Variants in GPC6 observed in about 807,000 individuals in gnomAD.
The protein encoded by GPC6 is glypican 6, also known as glypican-6.
GPC6 carries 14 observed loss-of-function variants against 55.2 expected under a neutral mutation model. That is an observed-to-expected ratio of 0.25 (90% CI 0.17 to 0.40). The LOEUF (loss-of-function observed/expected upper bound fraction) is 0.40. Ranked by LOEUF, GPC6 falls within the 10% of genes least tolerant of loss-of-function variation. The probability of loss-of-function intolerance (pLI) is 1.00; values close to 1 mark genes in which losing one functional copy is unlikely to be tolerated. For missense variants in GPC6, 641 were observed against 708.5 expected, an observed-to-expected ratio of 0.90 and a Z score of 1.08; for synonymous variants, 278 against 259.6, an observed-to-expected ratio of 1.07 and a Z score of -0.68.
chr13:94,105,823 A>G (rs1886033837), intron 4 of GPC6, among the ~76,000 whole-genome samples: 1 of 152,194 alleles, frequency 6.6e-6, no homozygotes, highest in Non-Finnish European at 1.5e-5. Context: ...AACATTCAGC[A>G]ATGTCTGGAA....
intron 2 of GPC6, among the ~76,000 whole-genome samples, chr13:93,579,373 C>A (rs747274371): frequency 2.7e-5 from 4 of 149,482 alleles, no homozygotes; most frequent in Non-Finnish European, 5.9e-5. Context: ...CTGTTATGTA[C>A]CAATAAAAAA....
At chr13:94,016,391 C>T (rs1343234218) in intron 3 of GPC6, among the ~76,000 whole-genome samples, 3 of 152,160 alleles carry the variant, frequency 2.0e-5, no homozygotes, top group Non-Finnish European at 4.4e-5. Flanking sequence ...CACACAGTAA[C>T]AATTGAAGCA....
intron 6 of GPC6, among the ~76,000 whole-genome samples, chr13:94,372,189 T>G (rs1173563431): frequency 1.3e-5 from 2 of 152,066 alleles, no homozygotes; most frequent in Non-Finnish European, 2.9e-5. Flanking sequence ...TCATATAATA[T>G]CTCATCACTG....
chr13:94,342,558 C>A (rs1030565020), intron 6 of GPC6, among the ~76,000 whole-genome samples: 2 of 152,178 alleles, frequency 1.3e-5, no homozygotes, highest in Admixed American at 6.5e-5. Context: ...CTGGTCAATA[C>A]CTTCAGACTC....
intron 3 of GPC6, among the ~76,000 whole-genome samples, chr13:93,876,214 CTTCATATAATAAATGAAGCATTTATTATA>C (rs1889290065): frequency 7.9e-6 from 1 of 127,138 alleles, no homozygotes; most frequent in African/African-American, 2.5e-5. Context: ...ATAATAAATG[CTTCATATAATAAATGAAGCATTTATTATA>C]TTGTTAATTT....
chr13:94,355,380 TCA>T (rs1431714012), intron 6 of GPC6, among the ~76,000 whole-genome samples: 1 of 152,076 alleles, frequency 6.6e-6, no homozygotes, highest in Non-Finnish European at 1.5e-5. Context: ...TTCCACCCTC[TCA>T]GTCTTCTTCC....
chr13:94,123,873 T>A (rs1054556160), intron 4 of GPC6, among the ~76,000 whole-genome samples: 26 of 152,056 alleles, frequency 1.7e-4, no homozygotes, highest in Non-Finnish European at 3.7e-4. Context: ...GTGTGTGAAG[T>A]AAGACAAATA....
At chr13:93,556,102 C>T (rs1013750801) in intron 2 of GPC6, among the ~76,000 whole-genome samples, 1 of 151,990 alleles carries the variant, frequency 6.6e-6, no homozygotes, top group African/African-American at 2.4e-5. Flanking sequence ...TCAATTTTGA[C>T]AGTGAATTAT....
intron 6 of GPC6, among the ~76,000 whole-genome samples, chr13:94,344,076 T>G (rs1388472325): frequency 2.0e-5 from 3 of 152,184 alleles, no homozygotes; most frequent in South Asian, 4.1e-4. Flanking sequence ...CAGAAAAGAA[T>G]TAAGGATGTT....
intron 2 of GPC6, among the ~76,000 whole-genome samples, chr13:93,751,197 T>C (rs1229683321): frequency 6.6e-6 from 1 of 151,896 alleles, no homozygotes; most frequent in African/African-American, 2.4e-5. Flanking sequence ...AAAAAATGCC[T>C]AGAAGTAAGA....
At chr13:93,828,764 C>A (rs373787826) in intron 2 of GPC6, among the ~76,000 whole-genome samples, 1 of 152,194 alleles carries the variant, frequency 6.6e-6, no homozygotes, top group African/African-American at 2.4e-5. Flanking sequence ...AAAGTACTTT[C>A]ATTGCTGCTT....
Position 94,157,810 on chromosome 13 carries a change from T to G in GPC6, c.878-128539T>G, listed in dbSNP as rs541827187. ...GGCAGTAGGTATCACGTCAGCCATG[T>G]GAGACATAAGTGAGCTTTGACTGGT... On this transcript the variant is annotated intron_variant, in intron 4 of 8. Transcript: ENST00000377047. Among the ~76,000 whole-genome samples, 3 of 152,248 alleles carry G rather than the reference T, an allele frequency of 2.0e-5. No homozygotes were observed. The East Asian group carries it at 5.8e-4, about 29-fold the overall frequency.
intron 3 of GPC6, among the ~76,000 whole-genome samples, chr13:93,911,550 G>A (rs950537860): frequency 1.3e-5 from 2 of 152,190 alleles, no homozygotes; most frequent in Admixed American, 1.3e-4. Flanking sequence ...TGGAAGCACT[G>A]CATGGCAGTG....
intron 2 of GPC6, among the ~76,000 whole-genome samples, chr13:93,683,600 A>G (rs1277713574): frequency 6.6e-6 from 1 of 152,150 alleles, no homozygotes; most frequent in South Asian, 2.1e-4. Context: ...TGAACTATCA[A>G]TACTACTGTT....
At chr13:93,843,079 CT>C (rs67581832) in intron 3 of GPC6, among the ~76,000 whole-genome samples, 35,378 of 134,202 alleles carry the variant, frequency 0.26, 4,607 homozygotes, top group East Asian at 0.35. Flanking sequence ...GGTGGCACTT[CT>C]TTTTTTTTTT....
chr13:93,946,474 C>G (rs1178994514), intron 3 of GPC6, among the ~76,000 whole-genome samples: 1 of 152,060 alleles, frequency 6.6e-6, no homozygotes, highest in Non-Finnish European at 1.5e-5. Flanking sequence ...CAAAATTTAC[C>G]TAATTTTAAA....
At chr13:93,500,716 A>G (rs1880489842) in intron 1 of GPC6, among the ~76,000 whole-genome samples, 1 of 152,164 alleles carries the variant, frequency 6.6e-6, no homozygotes, top group South Asian at 2.1e-4. Flanking sequence ...TTCTTGCACC[A>G]TGAGAGGGCT....
At chr13:93,588,830 G>T (rs1408920250) in intron 2 of GPC6, among the ~76,000 whole-genome samples, 1 of 152,140 alleles carries the variant, frequency 6.6e-6, no homozygotes, top group African/African-American at 2.4e-5. Flanking sequence ...ATGAGATTTG[G>T]TGGAGGGACA....
intron 3 of GPC6, among the ~76,000 whole-genome samples, chr13:93,857,551 C>G (rs1888661900): frequency 1.3e-5 from 2 of 151,510 alleles, no homozygotes; most frequent in South Asian, 4.2e-4. Flanking sequence ...AGAGATTCAG[C>G]CCACTTTCAG....
Sources: allele counts gnomAD v4.1 joint callset (sites outside exome capture counted in the v4.1 genomes callset), GRCh38; gene constraint gnomAD v4.1.1; transcripts MANE v1.5; gene names NCBI Gene and HGNC (gene_info 2026-07-23, HGNC 2026-07-21).